Variants in SOX6 observed in about 807,000 individuals in gnomAD.
The protein encoded by SOX6 is transcription factor SOX-6.
In SOX6, 11 loss-of-function variants were observed where a neutral mutation model predicts 97.8. The observed-to-expected ratio is 0.11, with a 90% CI of 0.07 to 0.19. SOX6 has a LOEUF of 0.19. Ranked by LOEUF, SOX6 falls within the 10% of genes least tolerant of loss-of-function variation. SOX6 has a pLI of 1.00. For missense variants in SOX6, 810 were observed against 1,039.5 expected, an observed-to-expected ratio of 0.78 and a Z score of 3.04; for synonymous variants, 360 against 371.4, an observed-to-expected ratio of 0.97 and a Z score of 0.35.
At chr11:16,233,666 C>A (rs1413353693) in intron 4 of SOX6, among the ~76,000 whole-genome samples, 1 of 151,910 alleles carries the variant, frequency 6.6e-6, no homozygotes, top group Admixed American at 6.6e-5. Context: ...TCTTAATGAG[C>A]CTATGAAGGA....
chr11:16,680,172 T>G (rs184689029), intron 3 of SOX6, among the ~76,000 whole-genome samples: 1 of 151,944 alleles, frequency 6.6e-6, no homozygotes, highest in Non-Finnish European at 1.5e-5. Flanking sequence ...TTCACCAAGG[T>G]TGAAATGAAG....
chr11:16,602,127 A>G lies in SOX6; in HGVS notation n.609+9954T>C, dbSNP rs1848277643. Among the ~76,000 whole-genome samples the G allele has an allele frequency of 2.0e-5, 3 of 152,246 alleles. No individual in the cohort carries two copies. In the South Asian group the frequency reaches 6.2e-4, roughly 31 times the overall value. ...CTCAATTTTTTGTGCATTTTAAAAA[A>G]TACATATTCACCAAGAGAATGTTCC... On this transcript the variant is annotated intron_variant and non_coding_transcript_variant, in intron 4 of 5. Transcript: ENST00000524520.
chr11:16,286,276 GACTA>G (rs1250322029), intron 3 of SOX6, among the ~76,000 whole-genome samples: 1 of 152,020 alleles, frequency 6.6e-6, no homozygotes, highest in African/African-American at 2.4e-5. Flanking sequence ...TCTAAGCAAT[GACTA>G]ACGTCATTGC....
At chr11:16,092,232 A>T (rs889125768) in intron 9 of SOX6, among the ~76,000 whole-genome samples, 3 of 151,970 alleles carry the variant, frequency 2.0e-5, no homozygotes, top group African/African-American at 7.2e-5. Context: ...GTATTTTTTT[A>T]AAAAGGCAAC....
At chr11:16,259,739 G>C (rs1853817418) in intron 3 of SOX6, among the ~76,000 whole-genome samples, 1 of 152,116 alleles carries the variant, frequency 6.6e-6, no homozygotes, top group Admixed American at 6.5e-5. Flanking sequence ...ATAAGAGTGA[G>C]AATAGTTACT....
In SOX6 at chr11:16,613,394, A is replaced by T. The variant is rs1848424619; in HGVS notation, n.430-1134T>A. 6.6e-6 allele frequency among the ~76,000 whole-genome samples: 1 copy of T among 151,914 alleles called. No individual in the cohort carries two copies. Among genetic ancestry groups the T allele is most frequent in the Non-Finnish European group, 1.5e-5 (1 of 68,002 alleles). ...AAATTATGGGTGTCACTAAAACGAG[A>T]TTAGCAAATCTTCTACCGCTGGCGG... On this transcript the variant is annotated intron_variant and non_coding_transcript_variant, in intron 3 of 5. Coordinates refer to the SOX6 transcript ENST00000524520. The surrounding 1 kb of genome is among the most constrained non-coding windows in gnomAD (Gnocchi z 4.6).
chr11:16,461,810 T>A lies in SOX6; in HGVS notation c.-5+14505A>T, dbSNP rs942503456. Reference sequence around the variant, plus strand: ...TCTCCTCTCTTCTGTGTATCTCCTCTGCAATAACAAATGTAATTTAATTAG... The same window carrying A: ...TCTCCTCTCTTCTGTGTATCTCCTCAGCAATAACAAATGTAATTTAATTAG... On this transcript the variant is annotated intron_variant, in intron 1 of 15. Transcript: ENST00000396356. 1.2e-4 allele frequency among the ~76,000 whole-genome samples: 19 copies of A among 152,324 alleles called. 1 individual carries two copies. Among genetic ancestry groups the A allele is most frequent in the African/African-American group, 4.6e-4 (19 of 41,588 alleles).
chr11:16,660,340 C>T (rs546158755), intron 3 of SOX6, among the ~76,000 whole-genome samples: 2 of 152,232 alleles, frequency 1.3e-5, no homozygotes, highest in African/African-American at 4.8e-5. Flanking sequence ...TCTCTTGAGA[C>T]TGATTCTTTG....
intron 11 of SOX6, among the ~76,000 whole-genome samples, chr11:16,048,718 T>C (rs1367752382): frequency 1.3e-5 from 2 of 152,162 alleles, no homozygotes; most frequent in East Asian, 3.9e-4. Context: ...ATAAGCATTT[T>C]AGACTTCAGG....
intron 4 of SOX6, among the ~76,000 whole-genome samples, chr11:16,486,537 T>C (rs540778422): frequency 6.3e-4 from 96 of 152,306 alleles, no homozygotes; most frequent in Middle Eastern, 3.4e-3. Flanking sequence ...AGACTACCTA[T>C]ATTAGAAATG....
chr11:16,528,956 C>T (rs550097566), intron 4 of SOX6, among the ~76,000 whole-genome samples: 1 of 152,112 alleles, frequency 6.6e-6, no homozygotes. Context: ...TGGTCTCCTA[C>T]CTTATGGGCA....
chr11:16,723,964 C>T (rs527274799), intron 2 of SOX6, among the ~76,000 whole-genome samples: 1 of 152,248 alleles, frequency 6.6e-6, no homozygotes, highest in East Asian at 1.9e-4. Context: ...GTCTCAAAAC[C>T]ACTGATTCAA....
chr11:16,348,708 A>G (rs1329967788), intron 1 of SOX6, among the ~76,000 whole-genome samples: 1 of 152,106 alleles, frequency 6.6e-6, no homozygotes. Context: ...ATTTTCCATT[A>G]TAAAAACTTT....
chr11:16,703,251 C>A (rs377580692), intron 3 of SOX6, among the ~76,000 whole-genome samples: 2 of 151,860 alleles, frequency 1.3e-5, no homozygotes, highest in Non-Finnish European at 2.9e-5. Flanking sequence ...CCATATACAC[C>A]GATGCTAAAT....
At chr11:16,350,191 C>A (rs1165934899) in intron 1 of SOX6, among the ~76,000 whole-genome samples, 1 of 152,134 alleles carries the variant, frequency 6.6e-6, no homozygotes, top group Non-Finnish European at 1.5e-5. Context: ...GTTCCTCAGT[C>A]TTGCATTGTG....
At chr11:16,184,843 T>G (rs1217685555) in intron 5 of SOX6, among the ~76,000 whole-genome samples, 1 of 152,072 alleles carries the variant, frequency 6.6e-6, no homozygotes, top group Non-Finnish European at 1.5e-5. Flanking sequence ...TGATCCTTAG[T>G]GAGAACACAC....
intron 2 of SOX6, among the ~76,000 whole-genome samples, chr11:16,325,038 A>G (rs1398821158): frequency 1.3e-5 from 2 of 152,186 alleles, no homozygotes; most frequent in Admixed American, 1.3e-4. Flanking sequence ...ACAGAAAAAA[A>G]GAGACCATAG....
chr11:16,721,284 G>T (rs967549364), intron 2 of SOX6, among the ~76,000 whole-genome samples: 33 of 152,128 alleles, frequency 2.2e-4, no homozygotes, highest in African/African-American at 7.7e-4. Flanking sequence ...AATGTGAACC[G>T]CTATTCTCTT....
chr11:16,400,287 A>G (rs1222541472), intron 1 of SOX6, among the ~76,000 whole-genome samples: 2 of 151,450 alleles, frequency 1.3e-5, no homozygotes, highest in African/African-American at 4.8e-5. Flanking sequence ...GAGAACAGGA[A>G]TGTTTAGCAG....
Sources: allele counts gnomAD v4.1 joint callset (sites outside exome capture counted in the v4.1 genomes callset), GRCh38; gene constraint gnomAD v4.1.1; non-coding constraint Gnocchi (gnomAD v3.1); transcripts MANE v1.5; gene names NCBI Gene and HGNC (gene_info 2026-07-23, HGNC 2026-07-21).